The following CENPP variants were observed in gnomAD, a reference collection of about 807,000 sequenced individuals.
CENPP encodes centromere protein P.
Under a neutral mutation model 35.6 loss-of-function variants are expected in CENPP, and 24 were observed. That is an observed-to-expected ratio of 0.67 (90% CI 0.49 to 0.95). CENPP has a LOEUF of 0.95. Among genes scored for constraint, CENPP ranks in the 40% least tolerant of loss-of-function variants. The pLI, the probability that CENPP is intolerant of heterozygous loss-of-function variation, is 0.00. For synonymous variants in CENPP, 120 were observed against 125.5 expected, an observed-to-expected ratio of 0.96 and a Z score of 0.29; for missense variants, 332 against 345.3, an observed-to-expected ratio of 0.96 and a Z score of 0.31.
intron 5 of CENPP, among the ~76,000 whole-genome samples, chr9:92,502,350 A>G (rs952640026): frequency 6.6e-6 from 1 of 152,184 alleles, no homozygotes; most frequent in Non-Finnish European, 1.5e-5. Flanking sequence ...GAAGTAGCCC[A>G]CTTTGGGGAT....
intron 5 of CENPP, among the ~76,000 whole-genome samples, chr9:92,408,560 T>A (rs940263928): frequency 1.3e-5 from 2 of 152,230 alleles, no homozygotes; most frequent in Non-Finnish European, 2.9e-5. Context: ...ACAGTTTTTT[T>A]ATCGATTGAA....
chr9:92,494,409 G>T (rs1334733914), intron 5 of CENPP, among the ~76,000 whole-genome samples: 1 of 152,104 alleles, frequency 6.6e-6, no homozygotes, highest in Non-Finnish European at 1.5e-5. Context: ...AGTCAACCTG[G>T]CCACTTTAAA....
In CENPP at chr9:92,593,190, C is replaced by T. The variant is rs1371247470; in HGVS notation, c.565-18124C>T. The stretch of plus-strand genomic sequence containing the variant: ...CACTGTGTGTAAGATGCTGAGAGTG[C>T]TGTGATGAGGTGAGCCAGCTCCTGG... On this transcript the variant is annotated intron_variant, in intron 5 of 7. Coordinates refer to ENST00000375587, the MANE Select transcript of CENPP (RefSeq NM_001012267.3). The surrounding 1 kb of genome is among the most constrained non-coding windows in gnomAD (Gnocchi z 4.1). 6.6e-6 allele frequency among the ~76,000 whole-genome samples: 1 copy of T among 152,202 alleles called. No individual in the cohort carries two copies. Among genetic ancestry groups the T allele is most frequent in the Non-Finnish European group, 1.5e-5 (1 of 68,032 alleles).
chr9:92,359,804 G>A (rs903302959), intron 4 of CENPP, among the ~76,000 whole-genome samples: 1 of 130,214 alleles, frequency 7.7e-6, no homozygotes, highest in Admixed American at 7.7e-5. Flanking sequence ...TTTTTTTTTT[G>A]CTTGCTCTGG....
chr9:92,352,589 G>A (rs1264199574), intron 4 of CENPP, among the ~76,000 whole-genome samples: 6 of 140,724 alleles, frequency 4.3e-5, no homozygotes, highest in African/African-American at 1.1e-4. Context: ...ACAAGGTCCC[G>A]TAATAGGCCG....
rs1352908202 is a variant in CENPP at position 92,616,356 on chromosome 9, AG to A, written c.*3210del. The stretch of plus-strand genomic sequence containing the variant: ...TGCACCCCACCATACCAGGCGAGAG[AG>A]GGTTAAAGGACTGAAAGATGGAAAA... On this transcript the variant is annotated 3_prime_UTR_variant, in exon 8 of 8. Coordinates refer to ENST00000375587, the MANE Select transcript of CENPP (RefSeq NM_001012267.3). 1 of 292,600 alleles carries A rather than the reference AG, an allele frequency of 3.4e-6. No individual in the cohort carries two copies. The highest frequency in any genetic ancestry group is 7.2e-5 in the East Asian group (1 of 13,820). The allele number at this position is 292,600 out of a possible 1,614,324, so 18.1% of individuals were successfully genotyped here. A position where few individuals can be genotyped will look rare whatever the true frequency, so the allele number is the denominator to read the frequency against.
At chr9:92,524,137 C>A (rs1848246964) in intron 5 of CENPP, among the ~76,000 whole-genome samples, 1 of 152,158 alleles carries the variant, frequency 6.6e-6, no homozygotes, top group South Asian at 2.1e-4. Context: ...AATCCACAAC[C>A]CATTTTCCCA....
At chr9:92,339,946 C>T (rs1230048652) in intron 3 of CENPP, 1 of 153,704 alleles carries the variant, frequency 6.5e-6, no homozygotes, top group Non-Finnish European at 1.5e-5. Context: ...GAGTGGTAAT[C>T]TACTGAATGC....
intron 5 of CENPP, among the ~76,000 whole-genome samples, chr9:92,575,728 C>T (rs1035197634): frequency 9.2e-5 from 14 of 152,032 alleles, no homozygotes; most frequent in African/African-American, 2.7e-4. Context: ...AGGAGAATTG[C>T]GTGAACCTGG....
At chr9:92,344,172 T>G (rs1841209208) in intron 3 of CENPP, among the ~76,000 whole-genome samples, 1 of 152,116 alleles carries the variant, frequency 6.6e-6, no homozygotes, top group South Asian at 2.1e-4. Flanking sequence ...CTGGGGAGAA[T>G]TGACCTAGTT....
chr9:92,325,812 G>C (rs1840441583), upstream of CENPP: 4 of 552,354 alleles, frequency 7.2e-6, no homozygotes, highest in African/African-American at 4.0e-5. Context: ...GAGGACTCAG[G>C]CTCTCGTGCG....
At chr9:92,326,222 C>A in intron 1 of CENPP, 117 bp downstream of exon 1, 1 of 690,408 alleles carries the variant, frequency 1.4e-6, no homozygotes, top group Non-Finnish European at 2.4e-6. Flanking sequence ...TGGGCATGAA[C>A]TGGCATTGAT....
At chr9:92,441,748 G>A (rs1844396091) in intron 5 of CENPP, among the ~76,000 whole-genome samples, 1 of 151,988 alleles carries the variant, frequency 6.6e-6, no homozygotes, top group African/African-American at 2.4e-5. Flanking sequence ...GCCAGAGTGA[G>A]ACTCTTAGGA....
chr9:92,459,991 GAA>G (rs538095237), intron 5 of CENPP, among the ~76,000 whole-genome samples: 1 of 150,522 alleles, frequency 6.6e-6, no homozygotes, highest in Non-Finnish European at 1.5e-5. Context: ...AGGGAAATTT[GAA>G]AAGTCATTTT....
intron 3 of CENPP, chr9:92,339,605 C>T (rs1016555884): frequency 4.6e-5 from 7 of 152,364 alleles, no homozygotes; most frequent in African/African-American, 1.7e-4. Flanking sequence ...GAGCAGGATA[C>T]AAAACACATT....
intron 5 of CENPP, among the ~76,000 whole-genome samples, chr9:92,380,415 C>T (rs72752433): frequency 0.018 from 2,742 of 152,290 alleles, 44 homozygotes; most frequent in Middle Eastern, 0.044. Context: ...ATTTGGATAG[C>T]ATCAAATTAT....
rs369503685 is a variant in CENPP, at chr9:92,449,238, G to A, written c.564+69379G>A. On this transcript the variant is annotated intron_variant, in intron 5 of 7. Coordinates refer to ENST00000375587, the MANE Select transcript of CENPP (RefSeq NM_001012267.3). ...CGGGCGGACACGAGGTCAGGAGATC[G>A]AGACCATCGTGGCTAACACAGTGAA... is the stretch of plus-strand genomic sequence containing the variant. Among the ~76,000 whole-genome samples, 43 of 151,960 alleles carry A rather than the reference G, an allele frequency of 2.8e-4. No individual in the cohort carries two copies. In the East Asian group the frequency reaches 8.4e-3, roughly 30 times the overall value.
intron 5 of CENPP, among the ~76,000 whole-genome samples, chr9:92,420,338 A>G (rs753148922): frequency 6.6e-6 from 1 of 152,150 alleles, no homozygotes; most frequent in Admixed American, 6.6e-5. Context: ...GTTGATCACT[A>G]TCGTTGCTCT....
intron 4 of CENPP, among the ~76,000 whole-genome samples, chr9:92,356,477 AAC>A (rs1427482086): frequency 2.6e-5 from 4 of 152,216 alleles, no homozygotes; most frequent in Admixed American, 1.3e-4. Context: ...ATATTGTTCA[AAC>A]ACACATGTTT....
Sources: gnomAD v4.1 joint callset for allele counts (sites outside exome capture counted in the v4.1 genomes callset) on GRCh38, gnomAD v4.1.1 for gene constraint, Gnocchi (gnomAD v3.1) non-coding constraint, MANE v1.5 for transcripts, NCBI Gene and HGNC (gene_info 2026-07-23, HGNC 2026-07-21) for gene names.